Variants in GPC5 observed in about 807,000 individuals in gnomAD.
The protein encoded by GPC5 is glypican-5.
A neutral mutation model predicts 53.9 loss-of-function variants in GPC5; 47 were observed. That is an observed-to-expected ratio of 0.87 (90% CI 0.69 to 1.11). The LOEUF (loss-of-function observed/expected upper bound fraction) is 1.11, where lower values mean the gene tolerates loss of function less well. GPC5 is among the 50% of genes most tolerant of loss of function. The pLI is 0.00. For synonymous variants in GPC5, 286 were observed against 263.3 expected (o/e 1.09, Z -0.84); for missense variants, 748 against 713.1 (o/e 1.05, Z -0.56).
intron 5 of GPC5, among the ~76,000 whole-genome samples, chr13:91,792,207 T>G (rs1034308436): frequency 3.3e-5 from 5 of 152,198 alleles, no homozygotes; most frequent in African/African-American, 1.2e-4. Flanking sequence ...ACAGAAACAG[T>G]CTTTCCTGAC....
intron 7 of GPC5, among the ~76,000 whole-genome samples, chr13:92,634,744 TTG>T (rs1408574526): frequency 3.9e-5 from 6 of 152,146 alleles, no homozygotes; most frequent in African/African-American, 1.4e-4. Context: ...CATTGCCTCT[TTG>T]CCCCTTTCCC....
intron 2 of GPC5, among the ~76,000 whole-genome samples, chr13:91,674,197 C>T (rs2035314531): frequency 6.6e-6 from 1 of 151,676 alleles, no homozygotes. Context: ...ATGAGGTGTC[C>T]CGGTGTTTGG....
chr13:92,268,075 C>T (rs1305441935), intron 7 of GPC5, among the ~76,000 whole-genome samples: 9 of 151,260 alleles, frequency 6.0e-5, no homozygotes, highest in African/African-American at 2.2e-4. Flanking sequence ...ATATTTTTAC[C>T]CTTCAAAACA....
At chr13:92,425,834 T>G (rs1876807503) in intron 7 of GPC5, among the ~76,000 whole-genome samples, 1 of 152,146 alleles carries the variant, frequency 6.6e-6, no homozygotes, top group African/African-American at 2.4e-5. Flanking sequence ...GTAGTTTATA[T>G]GTTATCTTCA....
intron 1 of GPC5, among the ~76,000 whole-genome samples, chr13:91,445,412 G>A (rs554565681): frequency 1.3e-5 from 2 of 152,284 alleles, no homozygotes; most frequent in African/African-American, 4.8e-5. Context: ...GATGAATCAG[G>A]AAGGCATGAG....
At chr13:91,981,102 C>T (rs1421292017) in intron 6 of GPC5, among the ~76,000 whole-genome samples, 1 of 152,064 alleles carries the variant, frequency 6.6e-6, no homozygotes, top group Non-Finnish European at 1.5e-5. Context: ...GTATGCATTT[C>T]TGTTGGATAT....
intron 7 of GPC5, among the ~76,000 whole-genome samples, chr13:92,780,601 C>T (rs1875986981): frequency 6.6e-6 from 1 of 151,904 alleles, no homozygotes; most frequent in Non-Finnish European, 1.5e-5. Flanking sequence ...TGGTCATAAT[C>T]GTGAGTCCAG....
At chr13:91,593,449 T>C (rs1288710595) in intron 2 of GPC5, among the ~76,000 whole-genome samples, 1 of 139,606 alleles carries the variant, frequency 7.2e-6, no homozygotes, top group African/African-American at 2.5e-5. Flanking sequence ...AGATGGAATG[T>C]TTGTAGTATG....
At chr13:91,492,771 T>C (rs1053232120) in intron 2 of GPC5, among the ~76,000 whole-genome samples, 3 of 152,180 alleles carry the variant, frequency 2.0e-5, no homozygotes, top group Non-Finnish European at 4.4e-5. Context: ...ATCCTTCCAA[T>C]GTGTTAACTT....
At chr13:92,165,323 CTG>C (rs1190337873) in intron 7 of GPC5, among the ~76,000 whole-genome samples, 4 of 152,100 alleles carry the variant, frequency 2.6e-5, no homozygotes, top group African/African-American at 7.2e-5. Flanking sequence ...ATGAATAAAA[CTG>C]AATGCTTTTA....
chr13:91,650,750 G>GTTTTTGTTT (rs1491353283), intron 2 of GPC5, among the ~76,000 whole-genome samples: 30 of 99,598 alleles, frequency 3.0e-4, no homozygotes, highest in African/African-American at 7.3e-4. Flanking sequence ...ATTCCCATAA[G>GTTTTTGTTT]TTTTTTTTTT....
chr13:92,668,480 T>C (rs1342136911), intron 7 of GPC5, among the ~76,000 whole-genome samples: 1 of 152,174 alleles, frequency 6.6e-6, no homozygotes, highest in African/African-American at 2.4e-5. Context: ...TGTTTCAGTT[T>C]TTTTCATAGC....
chr13:92,821,349 G>GCATTTCCT (rs1877665910), intron 7 of GPC5, among the ~76,000 whole-genome samples: 2 of 152,076 alleles, frequency 1.3e-5, no homozygotes, highest in African/African-American at 4.8e-5. Context: ...AATTATGCAT[G>GCATTTCCT]CATTTCCTCT....
At chr13:92,385,443 T>TACATATATACATATATACATATATAC (rs2043790855) in intron 7 of GPC5, among the ~76,000 whole-genome samples, 1 of 111,834 alleles carries the variant, frequency 8.9e-6, no homozygotes, top group Non-Finnish European at 1.8e-5. Flanking sequence ...TATACATATA[T>TACATATATACATATATACATATATAC]ACATATATAC....
At chr13:92,050,118 GA>G (rs1397205993) in intron 6 of GPC5, among the ~76,000 whole-genome samples, 3 of 152,146 alleles carry the variant, frequency 2.0e-5, no homozygotes, top group East Asian at 3.9e-4. Flanking sequence ...AAGAGGAAAT[GA>G]GGAGAGTGTA....
chr13:91,959,036 A>T (rs2040100557), intron 6 of GPC5, among the ~76,000 whole-genome samples: 1 of 149,432 alleles, frequency 6.7e-6, no homozygotes, highest in South Asian at 2.1e-4. Flanking sequence ...AGATCCGAGC[A>T]GAACCAAACA....
At chr13:92,031,724 ATATATTACATATTATATATAATATATAT>A (rs1165391939) in intron 6 of GPC5, among the ~76,000 whole-genome samples, 2,639 of 82,778 alleles carry the variant, frequency 0.032, 181 homozygotes, top group East Asian at 0.049. Context: ...CATATATGTA[ATATATTACATATTATATATAATATATAT>A]TATATTACAT....
intron 7 of GPC5, among the ~76,000 whole-genome samples, chr13:92,749,701 C>T (rs1215949565): frequency 1.3e-5 from 2 of 152,048 alleles, no homozygotes; most frequent in Admixed American, 6.6e-5. Flanking sequence ...AATTTTAATT[C>T]AATAAAATGC....
At position 91,713,098 on chromosome 13, in the gene GPC5, C is replaced by T. The variant is rs967257269; in HGVS notation, c.1021-15434C>T. On this transcript the variant is annotated intron_variant, in intron 3 of 7. Transcript: ENST00000377067. ...CCCAGCTACTCAGGAGACTGAAGCA[C>T]GAGGATTGCTTGAACCCGGGAGGCG... Among the ~76,000 whole-genome samples the T allele has an allele frequency of 5.3e-5, 8 of 152,008 alleles. No homozygotes were observed. The East Asian group carries it at 1.4e-3, about 26-fold the overall frequency.
Sources: gnomAD v4.1 joint callset for allele counts (sites outside exome capture counted in the v4.1 genomes callset) on GRCh38, gnomAD v4.1.1 for gene constraint, MANE v1.5 for transcripts, NCBI Gene and HGNC (gene_info 2026-07-23, HGNC 2026-07-21) for gene names.